Variants in TPST1 observed in about 807,000 individuals in gnomAD.
The protein encoded by TPST1 is tyrosylprotein sulfotransferase 1, also known as protein-tyrosine sulfotransferase 1.
TPST1 carries 20 observed loss-of-function variants against 34.8 expected under a neutral mutation model. The observed-to-expected ratio is 0.57, with a 90% CI of 0.40 to 0.84. The LOEUF is 0.84. Among genes scored for constraint, TPST1 ranks in the 40% least tolerant of loss-of-function variants. TPST1 has a pLI of 0.00. For missense variants in TPST1, 353 were observed against 455.5 expected (o/e 0.78, Z 2.05); for synonymous variants, 152 against 159.4 (o/e 0.95, Z 0.35).
At chr7:66,315,735 T>C (rs1489679041) in intron 3 of TPST1, among the ~76,000 whole-genome samples, 2 of 152,196 alleles carry the variant, frequency 1.3e-5, no homozygotes, top group African/African-American at 4.8e-5. Context: ...AACAGTCTAA[T>C]GGAATTACGG....
chr7:66,264,833 A>G (rs1010686705), intron 2 of TPST1, among the ~76,000 whole-genome samples: 3 of 152,238 alleles, frequency 2.0e-5, no homozygotes, highest in African/African-American at 4.8e-5. Flanking sequence ...TAGAATTTCT[A>G]GACAAACACT....
chr7:66,308,813 C>T (rs796148650), intron 3 of TPST1, among the ~76,000 whole-genome samples: 6 of 152,278 alleles, frequency 3.9e-5, no homozygotes, highest in African/African-American at 1.4e-4. Flanking sequence ...GTTCTCTAGA[C>T]ATTCCTGGGA....
intron 3 of TPST1, among the ~76,000 whole-genome samples, chr7:66,333,535 C>A (rs896732070): frequency 3.3e-5 from 5 of 152,196 alleles, no homozygotes; most frequent in Admixed American, 2.0e-4. Flanking sequence ...CCTTCAGAAT[C>A]ATAAAACATT....
chr7:66,218,923 T>C (rs912318916), intron 1 of TPST1, among the ~76,000 whole-genome samples: 4 of 151,782 alleles, frequency 2.6e-5, no homozygotes, highest in African/African-American at 9.7e-5. Context: ...CTCTGTCATC[T>C]AGGCTGGAGT....
At chr7:66,352,395 C>T in intron 3 of TPST1, 110 bp from the exon 4 acceptor site, 1 of 1,524,358 alleles carries the variant, frequency 6.6e-7, no homozygotes, top group Non-Finnish European at 8.7e-7. Flanking sequence ...TCATTCTAAA[C>T]TCACCAGCAG....
intron 2 of TPST1, among the ~76,000 whole-genome samples, chr7:66,266,450 GAAA>G (rs1790593574): frequency 6.6e-6 from 1 of 152,178 alleles, no homozygotes; most frequent in Non-Finnish European, 1.5e-5. Context: ...ACCATTTGGG[GAAA>G]CTATATATTA....
rs115340062 is a variant in TPST1, at chr7:66,327,761, G to A, written c.1045-24744G>A. ...AGTGCGTGTGTGTGTGTGTATGTAC[G>A]TTGAAGAAAACTATGAGAAAAAGCA... On this transcript the variant is annotated intron_variant, in intron 3 of 5. Coordinates refer to ENST00000304842, the MANE Select transcript of TPST1 (RefSeq NM_003596.4). Among the ~76,000 whole-genome samples, 1,217 of 150,626 alleles carry A rather than the reference G, an allele frequency of 8.1e-3. 15 individuals are homozygous for A. The highest frequency in any genetic ancestry group is 0.028 in the African/African-American group (1,149 of 41,050).
intron 3 of TPST1, among the ~76,000 whole-genome samples, chr7:66,315,620 G>C (rs1791617734): frequency 6.6e-6 from 1 of 152,224 alleles, no homozygotes. Context: ...AAAGATCTCT[G>C]ATGCGCAAGA....
intron 3 of TPST1, among the ~76,000 whole-genome samples, chr7:66,300,287 C>T (rs2116034465): frequency 6.6e-6 from 1 of 152,336 alleles, no homozygotes; most frequent in East Asian, 1.9e-4. Flanking sequence ...TAGATTCCAT[C>T]TCAAGAACCA....
intron 3 of TPST1, among the ~76,000 whole-genome samples, chr7:66,323,135 T>C (rs1791791413): frequency 6.6e-6 from 1 of 152,206 alleles, no homozygotes; most frequent in Non-Finnish European, 1.5e-5. Context: ...AGAAGTTCTT[T>C]ATGTAATTCT....
chr7:66,262,399 C>T (rs756382930), intron 2 of TPST1, among the ~76,000 whole-genome samples: 7 of 152,186 alleles, frequency 4.6e-5, no homozygotes, highest in African/African-American at 9.7e-5. Flanking sequence ...AGCCAGAGAA[C>T]TCTGGATAAC....
chr7:66,239,381 G>C (rs1049291671), intron 1 of TPST1, among the ~76,000 whole-genome samples: 1 of 152,098 alleles, frequency 6.6e-6, no homozygotes, highest in African/African-American at 2.4e-5. Flanking sequence ...TTCCACGGAG[G>C]CACTCATCAC....
chr7:66,328,859 G>GCTCTCTCTCTCTCTCTCTCTCT (rs755431410), intron 3 of TPST1, among the ~76,000 whole-genome samples: 1 of 18,416 alleles, frequency 5.4e-5, no homozygotes, highest in African/African-American at 2.5e-4. Flanking sequence ...TCTCTCTCCC[G>GCTCTCTCTCTCTCTCTCTCTCT]CTCTCTCTCT....
intron 3 of TPST1, among the ~76,000 whole-genome samples, chr7:66,337,771 A>C (rs1457942508): frequency 6.6e-6 from 1 of 152,244 alleles, no homozygotes; most frequent in East Asian, 1.9e-4. Context: ...AGTGATTATC[A>C]GTTTAAAATA....
At chr7:66,219,508 G>A (rs2116276849) in intron 1 of TPST1, among the ~76,000 whole-genome samples, 1 of 152,280 alleles carries the variant, frequency 6.6e-6, no homozygotes, top group Non-Finnish European at 1.5e-5. Context: ...GTGCAAATAT[G>A]CATCCTGCTC....
At chr7:66,340,948 GT>G (rs1320720204) in intron 3 of TPST1, among the ~76,000 whole-genome samples, 2 of 152,014 alleles carry the variant, frequency 1.3e-5, no homozygotes, top group African/African-American at 4.8e-5. Context: ...GAGGCAGAGG[GT>G]GCACCAAGCC....
intron 1 of TPST1, among the ~76,000 whole-genome samples, chr7:66,239,010 T>C (rs1291496798): frequency 6.6e-6 from 1 of 152,246 alleles, no homozygotes; most frequent in African/African-American, 2.4e-5. Flanking sequence ...GAGGATTAGA[T>C]CACAGATACT....
chr7:66,235,334 A>G (rs1336217571), intron 1 of TPST1, among the ~76,000 whole-genome samples: 1 of 151,960 alleles, frequency 6.6e-6, no homozygotes, highest in African/African-American at 2.4e-5. Context: ...ATTGCCACCA[A>G]TTATCTTAAT....
upstream of TPST1, among the ~76,000 whole-genome samples, chr7:66,204,253 C>A (rs1789074819): frequency 6.6e-6 from 1 of 152,042 alleles, no homozygotes; most frequent in Non-Finnish European, 1.5e-5. Flanking sequence ...CATGCTACAA[C>A]ATGGATGAAC....
Sources: allele counts gnomAD v4.1 joint callset (sites outside exome capture counted in the v4.1 genomes callset), GRCh38; gene constraint gnomAD v4.1.1; transcripts MANE v1.5; gene names NCBI Gene and HGNC (gene_info 2026-07-23, HGNC 2026-07-21).